SGPL1: variants seen among roughly 807,000 people sequenced by gnomAD.
SGPL1 encodes the protein SP-lyase 1.
SGPL1 carries 37 observed loss-of-function variants against 68.9 expected under a neutral mutation model. That is an observed-to-expected ratio of 0.54 (90% CI 0.41 to 0.71). The LOEUF (loss-of-function observed/expected upper bound fraction) is 0.71. Ranked by LOEUF, SGPL1 falls within the 30% of genes least tolerant of loss-of-function variation. The pLI, the probability that SGPL1 is intolerant of heterozygous loss-of-function variation, is 0.00. For missense variants in SGPL1, 551 were observed against 704.6 expected (o/e 0.78, Z 2.47); for synonymous variants, 236 against 248.5 (o/e 0.95, Z 0.47).
At chr10:70,858,245 C>T (rs1845996074) in intron 6 of SGPL1, among the ~76,000 whole-genome samples, 2 of 152,162 alleles carry the variant, frequency 1.3e-5, no homozygotes, top group Non-Finnish European at 2.9e-5. Flanking sequence ...AAGTGATCCT[C>T]CCACCTCAGC....
At chr10:70,867,402 A>G (rs941504436) in intron 7 of SGPL1, among the ~76,000 whole-genome samples, 3 of 152,146 alleles carry the variant, frequency 2.0e-5, no homozygotes, top group Non-Finnish European at 4.4e-5. Context: ...GTCTCTGCTA[A>G]AAATACAAAA....
At chr10:70,869,724 T>A (rs1270269618) in intron 8 of SGPL1, 68 bp from the exon 9 acceptor site, 2 of 1,153,698 alleles carry the variant, frequency 1.7e-6, no homozygotes, top group East Asian at 4.9e-5. Flanking sequence ...TAATTTAGAT[T>A]AGCTGCTAAT....
At chr10:70,858,418 G>A (rs1462418860) in intron 6 of SGPL1, among the ~76,000 whole-genome samples, 2 of 152,144 alleles carry the variant, frequency 1.3e-5, no homozygotes, top group African/African-American at 2.4e-5. Context: ...GATTACAGCT[G>A]TGAACCACTG....
chr10:70,828,277 T>C (rs1036525913), intron 2 of SGPL1, among the ~76,000 whole-genome samples: 1 of 152,228 alleles, frequency 6.6e-6, no homozygotes, highest in African/African-American at 2.4e-5. Flanking sequence ...AGAAGAGCAC[T>C]GAGAACTCTT....
In SGPL1 at chr10:70,856,196, A is replaced by G. The variant is rs541324947; in HGVS notation, c.409+1341A>G. Among the ~76,000 whole-genome samples the G allele has an allele frequency of 2.0e-5, 3 of 152,192 alleles. No homozygotes were observed. The South Asian group carries it at 6.2e-4, about 32-fold the overall frequency. Reference sequence around the variant, plus strand: ...TTTTTAGTAGAGATAAGATTTCACCATGTTGCCCAGGTTGGTCTCGAACTC... The same window carrying G: ...TTTTTAGTAGAGATAAGATTTCACCGTGTTGCCCAGGTTGGTCTCGAACTC... On this transcript the variant is annotated intron_variant, in intron 5 of 14. Coordinates refer to ENST00000373202, the MANE Select transcript of SGPL1 (RefSeq NM_003901.4).
At chr10:70,816,915 G>A (rs569408509) in intron 2 of SGPL1, 35 bp downstream of exon 2, 11 of 1,610,096 alleles carry the variant, frequency 6.8e-6, no homozygotes, top group African/African-American at 4.0e-5. Flanking sequence ...TGGTTCCAAG[G>A]CATTTGTCTC....
intron 2 of SGPL1, among the ~76,000 whole-genome samples, chr10:70,837,084 CT>C (rs111869565): frequency 0.063 from 9,159 of 144,406 alleles, 300 homozygotes; most frequent in African/African-American, 0.073. Flanking sequence ...AAAGTTAATG[CT>C]TTTTTTTTTT....
intron 2 of SGPL1, among the ~76,000 whole-genome samples, chr10:70,839,154 G>C (rs1012074738): frequency 6.6e-6 from 1 of 152,060 alleles, no homozygotes; most frequent in Non-Finnish European, 1.5e-5. Flanking sequence ...GATGCCTTTT[G>C]GGTATCATCT....
chr10:70,876,324 G>A (rs1846383964), intron 13 of SGPL1, among the ~76,000 whole-genome samples: 2 of 152,132 alleles, frequency 1.3e-5, no homozygotes, highest in East Asian at 3.9e-4. Context: ...TCTTAGCATG[G>A]TTCTCAGTCA....
intron 7 of SGPL1, among the ~76,000 whole-genome samples, chr10:70,862,961 A>G (rs1053371236): frequency 2.0e-5 from 3 of 152,114 alleles, no homozygotes; most frequent in Non-Finnish European, 4.4e-5. Context: ...ATTCTAAAGA[A>G]TTCTGTTTTG....
At chr10:70,863,587 GA>G (rs1846123636) in intron 7 of SGPL1, among the ~76,000 whole-genome samples, 1 of 152,092 alleles carries the variant, frequency 6.6e-6, no homozygotes, top group Non-Finnish European at 1.5e-5. Flanking sequence ...TTCTTCCAGA[GA>G]AGATTTGTCA....
At chr10:70,863,627 C>T (rs1014986122) in intron 7 of SGPL1, among the ~76,000 whole-genome samples, 1 of 152,058 alleles carries the variant, frequency 6.6e-6, no homozygotes, top group Non-Finnish European at 1.5e-5. Context: ...GGGATTGCCA[C>T]CACACTGGAA....
intron 3 of SGPL1, among the ~76,000 whole-genome samples, chr10:70,849,831 G>A (rs183925136): frequency 3.3e-5 from 5 of 152,302 alleles, no homozygotes; most frequent in Non-Finnish European, 5.9e-5. Context: ...TTCCTGTGGT[G>A]CATTTGAAGC....
chr10:70,873,111 C>G (rs1319209801), intron 11 of SGPL1, among the ~76,000 whole-genome samples: 2 of 152,178 alleles, frequency 1.3e-5, no homozygotes, highest in African/African-American at 4.8e-5. Context: ...AACCGATTAA[C>G]TGGGCGCTGT....
chr10:70,859,432 A>C lies in SGPL1; in HGVS notation c.548A>C (p.Lys183Thr). The change falls in exon 7 of 15, where the codon AAG becomes ACG. Residue 183 changes from lysine (K) to threonine (T), a missense_variant. By Grantham distance (78) the Lys-to-Thr change is moderately conservative (BLOSUM62 -1). Transcript: ENST00000373202. Reference protein sequence around the residue: ...LHPDIFPGLRKIEAEIVRIAC... With the variant: ...LHPDIFPGLRTIEAEIVRIAC... Reference sequence around the variant, plus strand: ...CCAGATATCTTCCCAGGACTACGCAAGATAGAGGCAGAAATCGTGAGGATA... The same window carrying C: ...CCAGATATCTTCCCAGGACTACGCACGATAGAGGCAGAAATCGTGAGGATA... The C allele has an allele frequency of 6.4e-7, 1 of 1,573,338 alleles. No homozygotes were observed. The highest frequency in any genetic ancestry group is 8.6e-7 in the Non-Finnish European group (1 of 1,160,028).
chr10:70,826,623 A>G (rs568114201), intron 2 of SGPL1, among the ~76,000 whole-genome samples: 1 of 152,370 alleles, frequency 6.6e-6, no homozygotes, highest in East Asian at 1.9e-4. Context: ...CTCTAACTCT[A>G]CGCTTCACCC....
intron 2 of SGPL1, among the ~76,000 whole-genome samples, chr10:70,829,620 C>T (rs1457470758): frequency 6.6e-6 from 1 of 151,806 alleles, no homozygotes; most frequent in Non-Finnish European, 1.5e-5. Context: ...CCAATGGCTT[C>T]TATTTTTGCA....
intron 5 of SGPL1, among the ~76,000 whole-genome samples, chr10:70,856,447 G>C (rs7900121): frequency 2.0e-5 from 3 of 152,160 alleles, no homozygotes; most frequent in African/African-American, 7.2e-5. Flanking sequence ...TATGAGACCT[G>C]GTTGCCGCCA....
chr10:70,869,987 C>T (rs1317917313), intron 9 of SGPL1, 90 bp downstream of exon 9: 31 of 975,094 alleles, frequency 3.2e-5, no homozygotes, highest in Non-Finnish European at 4.6e-5. Context: ...TCAGATGGGT[C>T]TGACTGCCTT....
Sources: gnomAD v4.1 joint callset for allele counts (sites outside exome capture counted in the v4.1 genomes callset) on GRCh38, gnomAD v4.1.1 for gene constraint, MANE v1.5 for transcripts, NCBI Gene and HGNC (gene_info 2026-07-23, HGNC 2026-07-21) for gene names.